The following SGSM3 variants were observed in gnomAD, a reference collection of about 807,000 sequenced individuals.
SGSM3 encodes RUN and SH3 containing 3.
Under a neutral mutation model 100.5 loss-of-function variants are expected in SGSM3, and 96 were observed. That is an observed-to-expected ratio of 0.96 (90% CI 0.81 to 1.13). The LOEUF is 1.13. Among genes scored for constraint, SGSM3 ranks in the 50% most tolerant of loss-of-function variants. The pLI is 0.00. For missense variants in SGSM3, 1,001 were observed against 1,015.8 expected (o/e 0.99, Z 0.20); for synonymous variants, 483 against 422.8 (o/e 1.14, Z -1.75).
Position 40,407,804 on chromosome 22 carries a change from G to T in SGSM3, c.1540G>T (p.Asp514Tyr). 6.2e-7 allele frequency: 1 copy of T among 1,614,040 alleles called. No individual in the cohort carries two copies. Among genetic ancestry groups the T allele is most frequent in the Non-Finnish European group, 8.5e-7 (1 of 1,180,026 alleles). ...TCCTGTGCAGATCGTGTCTCAGAAGGACGAGCACTGCTGGGTGGGGGAGCT... is the reference window on the plus strand; with the variant it reads ...TCCTGTGCAGATCGTGTCTCAGAAGTACGAGCACTGCTGGGTGGGGGAGCT... ...NDIITIVSQK[D>Y]EHCWVGELNG... Residue 514 changes from aspartate (D) to tyrosine (Y), a missense_variant, in exon 14 of 22, where the codon GAC (aspartate) becomes TAC (tyrosine). Coordinates refer to ENST00000248929, the MANE Select transcript of SGSM3 (RefSeq NM_015705.6). The surrounding 1 kb of genome is among the most constrained non-coding windows in gnomAD (Gnocchi z 4.7).
intron 1 of SGSM3, among the ~76,000 whole-genome samples, chr22:40,389,646 G>T (rs2049066434): frequency 7.1e-6 from 1 of 141,296 alleles, no homozygotes; most frequent in Non-Finnish European, 1.5e-5. Context: ...GGTGGCTCAC[G>T]CCTGTAATCC....
intron 2 of SGSM3, 23 bp from the exon 3 acceptor site, chr22:40,401,570 C>A (rs1266106126): frequency 6.3e-7 from 1 of 1,596,888 alleles, no homozygotes; most frequent in South Asian, 1.1e-5. Context: ...CTTGATTGTT[C>A]TCCTGGTCCT....
At chr22:40,408,464 G>A (rs1213666079) in intron 16 of SGSM3, 35 bp downstream of exon 16, 1 of 1,612,148 alleles carries the variant, frequency 6.2e-7, no homozygotes, top group South Asian at 1.1e-5. Context: ...CCCCCACCCT[G>A]CACCAGCCCT....
intron 1 of SGSM3, among the ~76,000 whole-genome samples, chr22:40,375,007 T>C (rs1342236451): frequency 2.6e-5 from 4 of 152,210 alleles, no homozygotes; most frequent in Non-Finnish European, 5.9e-5. Context: ...ACATATATAA[T>C]CACCTCCCCT....
intron 9 of SGSM3, 101 bp downstream of exon 9, chr22:40,406,324 C>T: frequency 6.5e-7 from 1 of 1,540,936 alleles, no homozygotes; most frequent in Admixed American, 1.9e-5. Flanking sequence ...CCCCCTGGCC[C>T]CTGACAACTG....
intron 4 of SGSM3, among the ~76,000 whole-genome samples, chr22:40,403,413 G>GC (rs1249642877): frequency 6.6e-6 from 1 of 152,130 alleles, no homozygotes; most frequent in Non-Finnish European, 1.5e-5. Context: ...ATCCCTGCAG[G>GC]CCCCCGAACA....
intron 2 of SGSM3, 72 bp from the exon 3 acceptor site, chr22:40,401,521 C>T (rs750250651): frequency 8.2e-7 from 1 of 1,216,464 alleles, no homozygotes; most frequent in Non-Finnish European, 1.2e-6. Context: ...ACTGAGATTA[C>T]AGGCGTGAGC....
In SGSM3 at chr22:40,370,600, G is replaced by A. The variant is rs1411039964; in HGVS notation, c.-200G>A. On this transcript the variant is annotated 5_prime_UTR_variant, in exon 1 of 22. Coordinates refer to ENST00000248929, the MANE Select transcript of SGSM3 (RefSeq NM_015705.6). ...GCCCATGCCACGCCCCGCCACGCGT[G>A]CGCTTAGGCGCCGCTGAGCGCTGAC... 1 of 152,484 alleles carries A rather than the reference G, an allele frequency of 6.6e-6. No individual in the cohort carries two copies. Among genetic ancestry groups the A allele is most frequent in the Non-Finnish European group, 1.5e-5 (1 of 68,228 alleles). The allele number at this position is 152,484 out of a possible 1,614,324, so 9.4% of individuals were successfully genotyped here. A position where few individuals can be genotyped will look rare whatever the true frequency, so the allele number is the denominator to read the frequency against.
chr22:40,406,005 G>A, intron 8 of SGSM3, 73 bp from the exon 9 acceptor site: 1 of 1,565,758 alleles, frequency 6.4e-7, no homozygotes, highest in Non-Finnish European at 8.7e-7. Flanking sequence ...AAGCAGGGAG[G>A]ACCTTGCTGC....
chr22:40,408,131 TG>T lies in SGSM3; in HGVS notation c.1629+14del. 1.2e-6 allele frequency: 1 copy of T among 856,282 alleles called. No homozygotes were observed. The highest frequency in any genetic ancestry group is 1.8e-6 in the Non-Finnish European group (1 of 552,964). 53.0% of individuals were successfully genotyped at this position (856,282 alleles called of 1,614,324 possible). ...GAGCGCAGCAAAGAGGTGAGGGGGG[TG>T]GGCGGGCTAGGCACGGCTGGCACCC... On this transcript the variant is annotated intron_variant, in intron 15 of 21. Transcript: ENST00000248929.
chr22:40,399,327 T>C (rs1173827800), intron 1 of SGSM3, among the ~76,000 whole-genome samples: 1 of 152,214 alleles, frequency 6.6e-6, no homozygotes, highest in East Asian at 1.9e-4. Context: ...GGATGAGCGC[T>C]GAGCCCACTC....
intron 1 of SGSM3, among the ~76,000 whole-genome samples, chr22:40,385,413 G>A (rs1050412565): frequency 5.3e-5 from 8 of 152,170 alleles, no homozygotes; most frequent in South Asian, 2.1e-4. Context: ...CAGTGGACAC[G>A]AAGCCATTGG....
chr22:40,379,004 T>G (rs2047113996), intron 1 of SGSM3, among the ~76,000 whole-genome samples: 1 of 152,344 alleles, frequency 6.6e-6, no homozygotes, highest in African/African-American at 2.4e-5. Flanking sequence ...CAGATTTTTC[T>G]TACTGAGCCT....
chr22:40,393,736 T>C (rs1422858093), intron 1 of SGSM3, among the ~76,000 whole-genome samples: 4 of 152,216 alleles, frequency 2.6e-5, no homozygotes, highest in Non-Finnish European at 5.9e-5. Context: ...CAAGCGTTTG[T>C]TGAGGGCCTT....
At position 40,410,097 on chromosome 22, in the gene SGSM3, G is replaced by GTCTGTCTT. The variant is rs1555954280; in HGVS notation, c.*341_*342insGTCTTTCT. 6 of 1,194,422 alleles carry GTCTGTCTT rather than the reference G, an allele frequency of 5.0e-6. No homozygotes were observed. The highest frequency in any genetic ancestry group is 9.0e-5 in the Admixed American group (2 of 22,280). 74.0% of individuals were successfully genotyped at this position (1,194,422 alleles called of 1,614,324 possible). On this transcript the variant is annotated 3_prime_UTR_variant, in exon 22 of 22. Transcript: ENST00000248929. ...TTTGGTTTATAAATAAACTGTGTCT[G>GTCTGTCTT]TCTTTGAGAAAGCACCTACCTGTCT...
Position 40,389,158 on chromosome 22 carries a change from G to A in SGSM3, c.-111-11538G>A, listed in dbSNP as rs2048950099. On this transcript the variant is annotated intron_variant, in intron 1 of 21. Coordinates refer to ENST00000248929, the MANE Select transcript of SGSM3 (RefSeq NM_015705.6). ...CATCTGAAGAACAGGCATATAGGAGGAGGAACTGGAAAAGGAGACTAAGAA... is the reference window on the plus strand; with the variant it reads ...CATCTGAAGAACAGGCATATAGGAGAAGGAACTGGAAAAGGAGACTAAGAA... Among the ~76,000 whole-genome samples, 7 of 152,160 alleles carry A rather than the reference G, an allele frequency of 4.6e-5. 1 individual carries two copies. Among genetic ancestry groups the A allele is most frequent in the African/African-American group, 1.4e-4 (6 of 41,434 alleles).
chr22:40,403,010 C>T (rs774036134), intron 4 of SGSM3, among the ~76,000 whole-genome samples: 11 of 152,278 alleles, frequency 7.2e-5, no homozygotes, highest in Middle Eastern at 3.4e-3. Flanking sequence ...TCTTCTGATT[C>T]GTAGGCAGGT....
intron 1 of SGSM3, chr22:40,376,126 G>A (rs1331773405): frequency 7.7e-6 from 1 of 130,562 alleles, no homozygotes; most frequent in Admixed American, 7.7e-5. Context: ...AGTTTCGTTT[G>A]TAAATATCCT....
intron 1 of SGSM3, among the ~76,000 whole-genome samples, chr22:40,389,869 A>G (rs2049107257): frequency 6.8e-6 from 1 of 147,678 alleles, no homozygotes; most frequent in South Asian, 2.1e-4. Flanking sequence ...GCGCCATTGC[A>G]CTCCAGCCTG....
Sources: allele counts gnomAD v4.1 joint callset (sites outside exome capture counted in the v4.1 genomes callset), GRCh38; gene constraint gnomAD v4.1.1; non-coding constraint Gnocchi (gnomAD v3.1); transcripts MANE v1.5; gene names NCBI Gene and HGNC (gene_info 2026-07-23, HGNC 2026-07-21).